Variants in ARHGAP32 observed in about 807,000 individuals in gnomAD.
ARHGAP32 encodes the protein rho GTPase-activating protein 32.
Under a neutral mutation model 186.5 loss-of-function variants are expected in ARHGAP32, and 51 were observed. That is an observed-to-expected ratio of 0.27 (90% CI 0.22 to 0.35). ARHGAP32 has a LOEUF of 0.35. ARHGAP32 is among the 10% of genes least tolerant of loss of function. The pLI is 1.00. For missense variants in ARHGAP32, 2,186 were observed against 2,623.5 expected, an observed-to-expected ratio of 0.83 and a Z score of 3.64; for synonymous variants, 950 against 964.3, an observed-to-expected ratio of 0.99 and a Z score of 0.27.
chr11:129,236,544 T>G (rs1284747307), intron 1 of ARHGAP32, among the ~76,000 whole-genome samples: 1 of 152,230 alleles, frequency 6.6e-6, no homozygotes, highest in East Asian at 1.9e-4. Context: ...TTATTTCTTT[T>G]GCTGTGCAAA....
intron 2 of ARHGAP32, among the ~76,000 whole-genome samples, chr11:129,161,906 T>C (rs1374617082): frequency 6.6e-6 from 1 of 152,088 alleles, no homozygotes; most frequent in African/African-American, 2.4e-5. Context: ...CAAATGCCCA[T>C]CAATGATAGA....
chr11:129,062,178 C>G, intron 10 of ARHGAP32, 102 bp downstream of exon 10: 1 of 911,096 alleles, frequency 1.1e-6, no homozygotes, highest in Non-Finnish European at 1.8e-6. Flanking sequence ...GACAAAATTT[C>G]TGATGACAAA....
chr11:128,990,361 G>A lies in ARHGAP32; in HGVS notation c.1196-2236C>T, dbSNP rs983279630. Among the ~76,000 whole-genome samples the A allele has an allele frequency of 9.2e-5, 14 of 152,150 alleles. No individual in the cohort carries two copies. In the East Asian group the frequency reaches 1.2e-3, roughly 13 times the overall value. ...CTCTTCAAGAGCAAAACCATGCATC[G>A]TCCATCTTTGTATATTTAAAACTCA... On this transcript the variant is annotated intron_variant, in intron 12 of 22. Transcript: ENST00000682385.
chr11:129,114,148 T>C (rs1349510943), intron 5 of ARHGAP32, among the ~76,000 whole-genome samples: 1 of 152,102 alleles, frequency 6.6e-6, no homozygotes, highest in African/African-American at 2.4e-5. Context: ...TGGTACTCCC[T>C]TCTCAAAATC....
chr11:129,063,361 T>G (rs957821676), intron 9 of ARHGAP32, among the ~76,000 whole-genome samples: 4 of 152,156 alleles, frequency 2.6e-5, no homozygotes, highest in Admixed American at 2.0e-4. Context: ...ATATATATCT[T>G]TAGAGGAAAA....
chr11:129,006,265 T>C (rs957465446), intron 11 of ARHGAP32, among the ~76,000 whole-genome samples: 1 of 152,180 alleles, frequency 6.6e-6, no homozygotes, highest in East Asian at 1.9e-4. Flanking sequence ...TTTTCCTGGA[T>C]GGTCTTGATG....
intron 1 of ARHGAP32, among the ~76,000 whole-genome samples, chr11:129,201,798 G>A (rs1944458106): frequency 6.6e-6 from 1 of 152,080 alleles, no homozygotes; most frequent in Non-Finnish European, 1.5e-5. Context: ...CAGAGCAACA[G>A]AGCAAGACTC....
chr11:129,228,408 CA>C (rs1312600447), intron 1 of ARHGAP32, among the ~76,000 whole-genome samples: 1 of 152,076 alleles, frequency 6.6e-6, no homozygotes, highest in African/African-American at 2.4e-5. Context: ...GTAAAATCAA[CA>C]AAACCAAAAG....
chr11:129,191,345 T>A (rs1944266175), intron 1 of ARHGAP32, among the ~76,000 whole-genome samples: 1 of 116,078 alleles, frequency 8.6e-6, no homozygotes, highest in Non-Finnish European at 2.2e-5. Context: ...AAAGCCAGAA[T>A]AAAGCCCCCT....
intron 7 of ARHGAP32, among the ~76,000 whole-genome samples, chr11:129,066,138 T>G (rs938313581): frequency 7.2e-5 from 11 of 152,144 alleles, no homozygotes; most frequent in African/African-American, 2.7e-4. Flanking sequence ...TTATTCAGTT[T>G]CTATGTGTAA....
chr11:129,111,285 G>A (rs745878364), intron 5 of ARHGAP32, among the ~76,000 whole-genome samples: 11 of 152,256 alleles, frequency 7.2e-5, no homozygotes, highest in Non-Finnish European at 1.6e-4. Flanking sequence ...CATGATCATG[G>A]TGTCTTATTT....
chr11:129,044,607 C>T (rs139488141), intron 10 of ARHGAP32, among the ~76,000 whole-genome samples: 1 of 152,252 alleles, frequency 6.6e-6, no homozygotes. Context: ...ACACAAAATG[C>T]CACCTTTTGG....
chr11:129,239,178 T>C (rs1944983104), intron 1 of ARHGAP32, among the ~76,000 whole-genome samples: 1 of 152,218 alleles, frequency 6.6e-6, no homozygotes, highest in Non-Finnish European at 1.5e-5. Flanking sequence ...AGCCCTCGCA[T>C]ATTGTACAGC....
Position 128,969,407 on chromosome 11 carries a change from T to C in ARHGAP32, c.5806A>G (p.Asn1936Asp). ...PDTSEPVSYH[N>D]SGVKYAASGQ... ...GATGCAGCATATTTTACTCCAGAGTTGTGGTAGCTGACTGGCTCAGAAGTG... is the reference window on the plus strand; with the variant it reads ...GATGCAGCATATTTTACTCCAGAGTCGTGGTAGCTGACTGGCTCAGAAGTG... The change falls in exon 23 of 23, where the codon AAC (asparagine) becomes GAC (aspartate). Residue 1936 changes from asparagine (N) to aspartate (D), a missense_variant. Coordinates refer to ENST00000682385, the MANE Select transcript of ARHGAP32 (RefSeq NM_001378024.1). The surrounding 1 kb of genome is among the most constrained non-coding windows in gnomAD (Gnocchi z 4.8). The C allele has an allele frequency of 6.2e-7, 1 of 1,614,224 alleles. No individual in the cohort carries two copies. The highest frequency in any genetic ancestry group is 1.1e-5 in the South Asian group (1 of 91,080).
intron 1 of ARHGAP32, among the ~76,000 whole-genome samples, chr11:129,262,131 T>C (rs568791449): frequency 6.6e-6 from 1 of 152,248 alleles, no homozygotes; most frequent in South Asian, 2.1e-4. Flanking sequence ...GCCAGACTAA[T>C]AAAATAGAAT....
chr11:129,100,891 C>T (rs963937856), intron 5 of ARHGAP32, among the ~76,000 whole-genome samples: 6 of 152,148 alleles, frequency 3.9e-5, no homozygotes, highest in African/African-American at 1.2e-4. Context: ...CATAGGGAGC[C>T]AAGCACCCTG....
chr11:129,083,381 C>G (rs1941281607), intron 6 of ARHGAP32, among the ~76,000 whole-genome samples: 1 of 152,180 alleles, frequency 6.6e-6, no homozygotes, highest in African/African-American at 2.4e-5. Context: ...CCATGCAATA[C>G]TACTCAGCCA....
At position 129,266,588 on chromosome 11, in the gene ARHGAP32, T is replaced by C. The variant is rs932053327; in HGVS notation, c.-5+12558A>G. Among the ~76,000 whole-genome samples the C allele has an allele frequency of 2.0e-5, 3 of 152,198 alleles. No individual in the cohort carries two copies. The East Asian group carries it at 5.8e-4, about 29-fold the overall frequency. On this transcript the variant is annotated intron_variant, in intron 1 of 6. Coordinates refer to the ARHGAP32 transcript ENST00000525234. Reference sequence around the variant, plus strand: ...AGGAAGCTCTAACTAAAACATCACATCTAATTTGAGGCACCATAAGAGAGA... The same window carrying C: ...AGGAAGCTCTAACTAAAACATCACACCTAATTTGAGGCACCATAAGAGAGA...
chr11:128,994,606 A>G (rs1251001239), intron 12 of ARHGAP32, among the ~76,000 whole-genome samples: 13 of 152,152 alleles, frequency 8.5e-5, no homozygotes, highest in Non-Finnish European at 1.3e-4. Flanking sequence ...GGCATGAGCC[A>G]CCACACCCAG....
Sources: gnomAD v4.1 joint callset for allele counts (sites outside exome capture counted in the v4.1 genomes callset) on GRCh38, gnomAD v4.1.1 for gene constraint, Gnocchi (gnomAD v3.1) non-coding constraint, MANE v1.5 for transcripts, NCBI Gene and HGNC (gene_info 2026-07-23, HGNC 2026-07-21) for gene names.